DNM2: variants seen among roughly 807,000 people sequenced by gnomAD.
DNM2 encodes the protein dynamin-2.
A neutral mutation model predicts 99.0 loss-of-function variants in DNM2; 15 were observed. The observed-to-expected ratio is 0.15, with a 90% CI of 0.10 to 0.23. DNM2 has a LOEUF of 0.23. Among genes scored for constraint, DNM2 ranks in the 10% least tolerant of loss-of-function variants. DNM2 has a pLI of 1.00. For synonymous variants in DNM2, 525 were observed against 481.2 expected (o/e 1.09, Z -1.19); for missense variants, 742 against 1,189.4 (o/e 0.62, Z 5.53).
chr19:10,726,348 G>A (rs76546513), intron 1 of DNM2, among the ~76,000 whole-genome samples: 4,620 of 151,856 alleles, frequency 0.03, 74 homozygotes, highest in South Asian at 0.092. Context: ...GGTGTGAGCC[G>A]CCGAACCCGG....
intron 12 of DNM2, among the ~76,000 whole-genome samples, chr19:10,804,185 C>T (rs2072257225): frequency 6.6e-6 from 1 of 152,038 alleles, no homozygotes; most frequent in African/African-American, 2.4e-5. Context: ...AGGAGAGGGG[C>T]CACCTTGTGG....
chr19:10,798,440 T>C, intron 10 of DNM2, 46 bp from the exon 11 acceptor site: 2 of 1,586,114 alleles, frequency 1.3e-6, no homozygotes, highest in Non-Finnish European at 1.7e-6. Context: ...TTGCTTCCCG[T>C]GCCACGAGGA....
chr19:10,773,002 CAG>C (rs1342840298), intron 3 of DNM2, among the ~76,000 whole-genome samples: 1 of 127,668 alleles, frequency 7.8e-6, no homozygotes, highest in African/African-American at 2.9e-5. Context: ...TTTTTTGAGA[CAG>C]AGTCTTGCTC....
At chr19:10,815,023 CTG>C (rs2072685620) in intron 15 of DNM2, among the ~76,000 whole-genome samples, 1 of 152,112 alleles carries the variant, frequency 6.6e-6, no homozygotes, top group African/African-American at 2.4e-5. Context: ...TGAGCCATGG[CTG>C]TGTTATGTGG....
chr19:10,771,627 A>G (rs1379443635), intron 2 of DNM2, among the ~76,000 whole-genome samples: 2 of 152,146 alleles, frequency 1.3e-5, no homozygotes, highest in East Asian at 1.9e-4. Flanking sequence ...CTGGTGGACC[A>G]TGAATCCACA....
chr19:10,786,443 T>A, intron 6 of DNM2, 121 bp from the exon 7 acceptor site: 2 of 1,440,720 alleles, frequency 1.4e-6, no homozygotes, highest in Admixed American at 3.4e-5. Context: ...CTCAAGGCTG[T>A]GTGGTGTGGT....
At position 10,764,350 on chromosome 19, in the gene DNM2, C is replaced by T. The variant is rs989763912; in HGVS notation, c.235+4539C>T. ...ATGTCCAAAGACAGGGCCCCCAGGG[C>T]GCAGCCCACGTTCCCCTCTGGTTCC... On this transcript the variant is annotated intron_variant, in intron 2 of 20. Coordinates refer to ENST00000389253, the MANE Select transcript of DNM2 (RefSeq NM_001005361.3). The surrounding 1 kb of genome is among the most constrained non-coding windows in gnomAD (Gnocchi z 4.1). Among the ~76,000 whole-genome samples, 3 of 152,224 alleles carry T rather than the reference C, an allele frequency of 2.0e-5. No homozygotes were observed. The highest frequency in any genetic ancestry group is 4.4e-5 in the Non-Finnish European group (3 of 68,038).
At chr19:10,757,618 G>A (rs769503960) in intron 1 of DNM2, among the ~76,000 whole-genome samples, 6 of 152,084 alleles carry the variant, frequency 3.9e-5, no homozygotes, top group African/African-American at 9.7e-5. Context: ...AATTTTCAAC[G>A]ATCCAAACAT....
chr19:10,797,856 A>G (rs1425028759), intron 10 of DNM2, among the ~76,000 whole-genome samples: 1 of 152,204 alleles, frequency 6.6e-6, no homozygotes, highest in Non-Finnish European at 1.5e-5. Flanking sequence ...ATAGCCCTGC[A>G]TGTTCTCACA....
chr19:10,718,529 C>A, intron 1 of DNM2, 126 bp downstream of exon 1: 2 of 1,223,286 alleles, frequency 1.6e-6, no homozygotes, highest in South Asian at 6.5e-5. Flanking sequence ...GGGAACCGGA[C>A]GGGGTCGGGG....
chr19:10,796,137 C>A lies in DNM2; in HGVS notation c.1196+698C>A, dbSNP rs879253980. On this transcript the variant is annotated intron_variant, in intron 9 of 20. Coordinates refer to ENST00000389253, the MANE Select transcript of DNM2 (RefSeq NM_001005361.3). The surrounding 1 kb of genome is among the most constrained non-coding windows in gnomAD (Gnocchi z 5.6). ...GGTCGTCAAGCTGAAAGAGCCCTGT[C>A]TGAAATGTGTCGACCTGGTTATCCA... is the stretch of plus-strand genomic sequence containing the variant. 3.7e-6 allele frequency: 6 copies of A among 1,614,058 alleles called. No homozygotes were observed. The highest frequency in any genetic ancestry group is 4.2e-6 in the Non-Finnish European group (5 of 1,180,038).
In DNM2 at chr19:10,798,522, C is replaced by G. The variant is rs745748213; in HGVS notation, c.1372C>G (p.Arg458Gly). ...SYPRLREETE[R>G]IVTTYIRERE... Reference sequence around the variant, plus strand: ...CCCCCGGTTGCGAGAGGAGACAGAGCGAATCGTCACCACTTACATCCGGGA... The same window carrying G: ...CCCCCGGTTGCGAGAGGAGACAGAGGGAATCGTCACCACTTACATCCGGGA... The change falls in exon 11 of 21, where the codon CGA becomes GGA. Residue 458 changes from arginine (R) to glycine (G), a missense_variant. Coordinates refer to ENST00000389253, the MANE Select transcript of DNM2 (RefSeq NM_001005361.3). 1.3e-5 allele frequency: 21 copies of G among 1,614,060 alleles called. No individual in the cohort carries two copies. Among genetic ancestry groups the G allele is most frequent in the Non-Finnish European group, 1.2e-5 (14 of 1,180,042 alleles).
chr19:10,771,038 C>T (rs2070959442), intron 2 of DNM2, among the ~76,000 whole-genome samples: 1 of 152,210 alleles, frequency 6.6e-6, no homozygotes, highest in South Asian at 2.1e-4. Context: ...AGTGATCCAC[C>T]CTCCTCGGCG....
intron 4 of DNM2, 83 bp from the exon 5 acceptor site, chr19:10,777,035 C>A: frequency 7.1e-7 from 1 of 1,402,272 alleles, no homozygotes; most frequent in Non-Finnish European, 1.0e-6. Context: ...TCAGGGCCAA[C>A]TGGACCCCAG....
chr19:10,742,898 A>T (rs1201019697), intron 1 of DNM2, among the ~76,000 whole-genome samples: 1 of 149,336 alleles, frequency 6.7e-6, no homozygotes, highest in Admixed American at 6.7e-5. Flanking sequence ...TGGAGATGCT[A>T]GCTTGTTTTT....
intron 4 of DNM2, 145 bp downstream of exon 4, chr19:10,776,051 G>A (rs117045245): frequency 2.3e-4 from 246 of 1,079,788 alleles, no homozygotes; most frequent in Non-Finnish European, 3.2e-4. Flanking sequence ...CACTTCCTCC[G>A]AGAACCAGCA....
chr19:10,820,164 G>A lies in DNM2; in HGVS notation c.1781+75G>A, dbSNP rs2072927114. ...TCATTCACACTCCACAACCTTCACT[G>A]AGCACTGAGCACCTGGCTGTCAGCA... On this transcript the variant is annotated intron_variant, in intron 16 of 20. Transcript: ENST00000389253. The surrounding 1 kb of genome is among the most constrained non-coding windows in gnomAD (Gnocchi z 4.3). 7.1e-7 allele frequency: 1 copy of A among 1,402,814 alleles called. No individual in the cohort carries two copies. The highest frequency in any genetic ancestry group is 1.4e-5 in the African/African-American group (1 of 70,648). The allele number at this position is 1,402,814 out of a possible 1,614,324, so 86.9% of individuals were successfully genotyped here.
In DNM2 at chr19:10,746,727, G is replaced by GTTTTTTTTTTTT. The variant is rs757494612; in HGVS notation, c.162-13005_162-13004insTTTTTTTTTTTT. Among the ~76,000 whole-genome samples, 109 of 116,184 alleles carry GTTTTTTTTTTTT rather than the reference G, an allele frequency of 9.4e-4. 4 individuals are homozygous for GTTTTTTTTTTTT. The highest frequency in any genetic ancestry group is 1.3e-3 in the Non-Finnish European group (76 of 60,008). The allele number at this position is 116,184 out of a possible 152,430, so 76.2% of individuals were successfully genotyped here. The stretch of plus-strand genomic sequence containing the variant: ...GAGCAACCGTGCCGGCTTTTTTTTT[G>GTTTTTTTTTTTT]TTTTTTGTTTTTTTTTTTTTTGAGA... On this transcript the variant is annotated intron_variant, in intron 1 of 20. Coordinates refer to ENST00000389253, the MANE Select transcript of DNM2 (RefSeq NM_001005361.3).
chr19:10,820,832 G>A lies in DNM2; in HGVS notation c.1781+743G>A, dbSNP rs918504638. 6.6e-6 allele frequency among the ~76,000 whole-genome samples: 1 copy of A among 152,224 alleles called. No individual in the cohort carries two copies. The highest frequency in any genetic ancestry group is 1.5e-5 in the Non-Finnish European group (1 of 68,026). ...AGGAACGAAACCAGATGAGCTCCCA[G>A]GAGAGTGAAGCTGGAGAATGGGAGG... On this transcript the variant is annotated intron_variant, in intron 16 of 20. Coordinates refer to ENST00000389253, the MANE Select transcript of DNM2 (RefSeq NM_001005361.3). The surrounding 1 kb of genome is among the most constrained non-coding windows in gnomAD (Gnocchi z 4.3).
Sources: allele counts gnomAD v4.1 joint callset (sites outside exome capture counted in the v4.1 genomes callset), GRCh38; gene constraint gnomAD v4.1.1; non-coding constraint Gnocchi (gnomAD v3.1); transcripts MANE v1.5; gene names NCBI Gene and HGNC (gene_info 2026-07-23, HGNC 2026-07-21).